Variants in KCNK2 observed in about 807,000 individuals in gnomAD.
KCNK2 encodes the protein potassium channel subfamily K member 2.
In KCNK2, 21 loss-of-function variants were observed where a neutral mutation model predicts 40.5. That is an observed-to-expected ratio of 0.52 (90% confidence interval 0.37 to 0.75). KCNK2 has a LOEUF of 0.75. Among genes scored for constraint, KCNK2 ranks in the 30% least tolerant of loss-of-function variants. The pLI, the probability that KCNK2 is intolerant of heterozygous loss-of-function variation, is 0.00. For synonymous variants in KCNK2, 191 were observed against 202.2 expected, an observed-to-expected ratio of 0.94 and a Z score of 0.47; for missense variants, 399 against 531.6, an observed-to-expected ratio of 0.75 and a Z score of 2.45.
chr1:215,058,692 A>G (rs2102505601), intron 1 of KCNK2, among the ~76,000 whole-genome samples: 1 of 152,154 alleles, frequency 6.6e-6, no homozygotes, highest in Non-Finnish European at 1.5e-5. Flanking sequence ...GCCCTACATA[A>G]TCGCCCCCCT....
At chr1:215,101,392 G>A (rs1660209403) in intron 2 of KCNK2, among the ~76,000 whole-genome samples, 1 of 151,902 alleles carries the variant, frequency 6.6e-6, no homozygotes. Flanking sequence ...GGGAAAGTCA[G>A]TCAAATAAAG....
chr1:215,150,394 T>A lies in KCNK2; in HGVS notation c.476-18805T>A, dbSNP rs534317543. ...GAATTTTTTTTCTCTGAAAGAGTAA[T>A]CAATTTCTCCATCACTATTAATTGA... On this transcript the variant is annotated intron_variant, in intron 3 of 6. Coordinates refer to ENST00000444842, the MANE Select transcript of KCNK2 (RefSeq NM_001017425.3). Among the ~76,000 whole-genome samples, 9 of 152,310 alleles carry A rather than the reference T, an allele frequency of 5.9e-5. No homozygotes were observed. In the South Asian group the frequency reaches 1.2e-3, roughly 21 times the overall value.
intron 3 of KCNK2, among the ~76,000 whole-genome samples, chr1:215,159,860 T>G (rs1047222458): frequency 7.2e-5 from 11 of 152,194 alleles, no homozygotes; most frequent in Admixed American, 3.9e-4. Context: ...CAAGCTAATA[T>G]CATATATACC....
rs180682291 is a variant in KCNK2, at chr1:215,191,690, C to A, written c.824-3263C>A. Among the ~76,000 whole-genome samples, 642 of 152,306 alleles carry A rather than the reference C, an allele frequency of 4.2e-3. 5 individuals are homozygous for A. Among genetic ancestry groups the A allele is most frequent in the South Asian group, 0.026 (125 of 4,830 alleles). Reference sequence around the variant, plus strand: ...GATTCCCAAAACCTTTATACCTCCACACTTTTTTGTTATTTTTATTACCAT... The same window carrying A: ...GATTCCCAAAACCTTTATACCTCCAAACTTTTTTGTTATTTTTATTACCAT... On this transcript the variant is annotated intron_variant, in intron 5 of 6. Coordinates refer to ENST00000444842, the MANE Select transcript of KCNK2 (RefSeq NM_001017425.3).
At chr1:215,054,400 T>G (rs1658086093) in intron 1 of KCNK2, among the ~76,000 whole-genome samples, 1 of 152,190 alleles carries the variant, frequency 6.6e-6, no homozygotes, top group Non-Finnish European at 1.5e-5. Context: ...TGCTTTGTCT[T>G]CAGGACCATC....
chr1:215,090,168 A>G (rs766052905), intron 2 of KCNK2, among the ~76,000 whole-genome samples: 6 of 152,164 alleles, frequency 3.9e-5, no homozygotes, highest in Admixed American at 1.3e-4. Context: ...ACAATAGCCA[A>G]AATTTAATTG....
At chr1:215,104,038 G>A (rs566662547) in intron 2 of KCNK2, among the ~76,000 whole-genome samples, 49 of 152,088 alleles carry the variant, frequency 3.2e-4, no homozygotes, top group Admixed American at 2.8e-3. Context: ...AGCAAAAAAT[G>A]GTGACTACAT....
intron 3 of KCNK2, among the ~76,000 whole-genome samples, chr1:215,150,180 G>A (rs376195160): frequency 9.2e-5 from 14 of 152,260 alleles, no homozygotes; most frequent in African/African-American, 3.4e-4. Flanking sequence ...TCTAACCCAA[G>A]TAACAACAAA....
intron 2 of KCNK2, among the ~76,000 whole-genome samples, chr1:215,102,658 C>T (rs1660271549): frequency 6.6e-6 from 1 of 152,002 alleles, no homozygotes; most frequent in Non-Finnish European, 1.5e-5. Context: ...CCCAGAACAA[C>T]TTTCAGTCCT....
At chr1:215,126,002 C>A (rs1661420512) in intron 3 of KCNK2, among the ~76,000 whole-genome samples, 2 of 151,850 alleles carry the variant, frequency 1.3e-5, no homozygotes, top group South Asian at 4.2e-4. Context: ...AAGAGATTTT[C>A]ATCTCATGGG....
intron 1 of KCNK2, among the ~76,000 whole-genome samples, chr1:215,022,747 A>G (rs2102479448): frequency 6.6e-6 from 1 of 152,206 alleles, no homozygotes; most frequent in Admixed American, 6.5e-5. Context: ...AGGAACATCT[A>G]ATCTGCCTTC....
chr1:215,027,183 T>C (rs139387060), intron 1 of KCNK2, among the ~76,000 whole-genome samples: 1,947 of 152,238 alleles, frequency 0.013, 39 homozygotes, highest in African/African-American at 0.044. Context: ...TACATAATCG[T>C]ATCAGCAAAA....
At chr1:215,044,835 A>G (rs890389291) in intron 1 of KCNK2, among the ~76,000 whole-genome samples, 6 of 110,902 alleles carry the variant, frequency 5.4e-5, no homozygotes, top group Admixed American at 4.8e-4. Context: ...GTGCGCGCGC[A>G]CACGTGTGTT....
chr1:215,080,675 A>G (rs555129720), upstream of KCNK2, among the ~76,000 whole-genome samples: 155 of 152,316 alleles, frequency 1.0e-3, 2 homozygotes, highest in Non-Finnish European at 1.9e-3. Context: ...AAGAAGCAAA[A>G]CATCATGTGA....
Position 215,030,853 on chromosome 1 carries a change from T to A in KCNK2, c.34+24898T>A, listed in dbSNP as rs1178260998. On this transcript the variant is annotated intron_variant, in intron 1 of 6. Transcript: ENST00000391895. ...ATGAGTGACTACATCCAGCCTCTTGTGTTATCTTTTACAAGTTTTATAGTT... is the reference window on the plus strand; with the variant it reads ...ATGAGTGACTACATCCAGCCTCTTGAGTTATCTTTTACAAGTTTTATAGTT... Among the ~76,000 whole-genome samples the A allele has an allele frequency of 3.9e-5, 6 of 151,978 alleles. No individual in the cohort carries two copies. The East Asian group carries it at 1.2e-3, about 29-fold the overall frequency.
intron 1 of KCNK2, among the ~76,000 whole-genome samples, chr1:215,047,299 A>G (rs897849295): frequency 6.6e-6 from 1 of 152,134 alleles, no homozygotes; most frequent in Admixed American, 6.5e-5. Context: ...ATTTTGCATT[A>G]GTTTTAAAAG....
chr1:215,157,343 C>T (rs975043061), intron 3 of KCNK2, among the ~76,000 whole-genome samples: 1 of 152,116 alleles, frequency 6.6e-6, no homozygotes, highest in Non-Finnish European at 1.5e-5. Context: ...ATTAGAGCCC[C>T]CCAAACAGCT....
At chr1:215,169,035 CTTATA>C (rs1275274192) in intron 3 of KCNK2, among the ~76,000 whole-genome samples, 159 bp from the exon 4 acceptor site, 1 of 151,872 alleles carries the variant, frequency 6.6e-6, no homozygotes, top group Non-Finnish European at 1.5e-5. Context: ...ATAAGAATAT[CTTATA>C]TTAGAACATA....
intron 1 of KCNK2, among the ~76,000 whole-genome samples, chr1:215,042,065 A>T (rs1558066504): frequency 2.0e-5 from 3 of 152,144 alleles, no homozygotes. Flanking sequence ...CACAAAAATA[A>T]CACAGGAAAA....
Sources: allele counts gnomAD v4.1 joint callset (sites outside exome capture counted in the v4.1 genomes callset), GRCh38; gene constraint gnomAD v4.1.1; transcripts MANE v1.5; gene names NCBI Gene and HGNC (gene_info 2026-07-23, HGNC 2026-07-21).